GALNT13: variants seen among roughly 807,000 people sequenced by gnomAD.
GALNT13 encodes the protein UDP-GalNAc:polypeptide N-acetylgalactosaminyltransferase 13.
A neutral mutation model predicts 64.2 loss-of-function variants in GALNT13; 28 were observed. The ratio of observed to expected loss-of-function variants is 0.44; its 90% CI spans 0.32 to 0.60. GALNT13 has a LOEUF of 0.60. GALNT13 is among the 20% of genes least tolerant of loss of function. The pLI is 0.05. For missense variants in GALNT13, 577 were observed against 669.8 expected (o/e 0.86, Z 1.53); for synonymous variants, 214 against 224.6 (o/e 0.95, Z 0.42).
chr2:154,433,414 C>T lies in GALNT13; in HGVS notation c.1396-5178C>T, dbSNP rs1432704709. Among the ~76,000 whole-genome samples the T allele has an allele frequency of 2.0e-5, 3 of 152,086 alleles. No individual in the cohort carries two copies. The East Asian group carries it at 5.8e-4, about 29-fold the overall frequency. ...CAGGGAGCTTTAAATCTCTGGCAGGCCAGAGAACAGGAAGGAGTTATACAA... is the reference window on the plus strand; with the variant it reads ...CAGGGAGCTTTAAATCTCTGGCAGGTCAGAGAACAGGAAGGAGTTATACAA... On this transcript the variant is annotated intron_variant, in intron 11 of 12. Coordinates refer to ENST00000392825, the MANE Select transcript of GALNT13 (RefSeq NM_052917.4).
At chr2:153,941,021 C>A (rs1691302318) in intron 2 of GALNT13, among the ~76,000 whole-genome samples, 1 of 152,076 alleles carries the variant, frequency 6.6e-6, no homozygotes, top group African/African-American at 2.4e-5. Context: ...AGTTACAAAA[C>A]CCTAAACTTT....
At chr2:154,331,684 A>G (rs999523789) in intron 9 of GALNT13, among the ~76,000 whole-genome samples, 2 of 152,070 alleles carry the variant, frequency 1.3e-5, no homozygotes, top group Non-Finnish European at 2.9e-5. Context: ...ATGTTAATAT[A>G]CTATTTTATG....
At chr2:153,452,170 A>G in the GALNT13 span, among the ~76,000 whole-genome samples, 3 of 152,132 alleles carry the variant, frequency 2.0e-5, no homozygotes, top group East Asian at 1.9e-4. Context: ...CTTCCTTCCA[A>G]CTGATGCTGT....
At chr2:154,021,890 T>G (rs944565386) in intron 3 of GALNT13, among the ~76,000 whole-genome samples, 3 of 151,794 alleles carry the variant, frequency 2.0e-5, no homozygotes, top group Non-Finnish European at 2.9e-5. Context: ...ATACCTAATT[T>G]ATTGAGAGTT....
At chr2:153,158,054 C>G in the GALNT13 span, among the ~76,000 whole-genome samples, 1 of 152,106 alleles carries the variant, frequency 6.6e-6, no homozygotes, top group African/African-American at 2.4e-5. Context: ...TGATTATTTC[C>G]TGGACAGCTC....
chr2:153,627,722 T>C, the GALNT13 span, among the ~76,000 whole-genome samples: 1 of 152,250 alleles, frequency 6.6e-6, no homozygotes, highest in South Asian at 2.1e-4. Flanking sequence ...GAGACTCTTC[T>C]CAACTGTAAA....
chr2:153,703,277 A>T, the GALNT13 span, among the ~76,000 whole-genome samples: 1 of 152,054 alleles, frequency 6.6e-6, no homozygotes, highest in East Asian at 1.9e-4. Context: ...TATAATCTTA[A>T]TTTTTTAATT....
the GALNT13 span, among the ~76,000 whole-genome samples, chr2:153,378,713 T>C: frequency 3.9e-5 from 6 of 152,172 alleles, no homozygotes; most frequent in Admixed American, 3.3e-4. Context: ...AGCAACTGAT[T>C]TCCCCTTTAA....
chr2:154,357,473 G>A (rs1296290400), intron 9 of GALNT13, among the ~76,000 whole-genome samples: 2 of 151,990 alleles, frequency 1.3e-5, no homozygotes, highest in African/African-American at 2.4e-5. Flanking sequence ...GTGGGGTGCT[G>A]CTGACATTTA....
At chr2:154,293,684 C>A (rs961126969) in intron 8 of GALNT13, among the ~76,000 whole-genome samples, 1 of 152,036 alleles carries the variant, frequency 6.6e-6, no homozygotes, top group East Asian at 1.9e-4. Context: ...TAGAAAAATT[C>A]TGTTTGCTTA....
At chr2:153,687,426 G>A in the GALNT13 span, among the ~76,000 whole-genome samples, 26 of 151,984 alleles carry the variant, frequency 1.7e-4, no homozygotes, top group East Asian at 4.8e-3. Context: ...TAGTTTATAT[G>A]CATAAACTAG....
At chr2:153,357,761 A>T in the GALNT13 span, among the ~76,000 whole-genome samples, 1 of 152,228 alleles carries the variant, frequency 6.6e-6, no homozygotes, top group Non-Finnish European at 1.5e-5. Context: ...CAAAAAAGAC[A>T]TTGTATATTT....
At chr2:153,244,727 T>C in the GALNT13 span, among the ~76,000 whole-genome samples, 1 of 152,146 alleles carries the variant, frequency 6.6e-6, no homozygotes, top group Admixed American at 6.5e-5. Context: ...GTTTTGTGCT[T>C]GAAACCCAGG....
At chr2:154,184,495 T>A (rs980366298) in intron 4 of GALNT13, among the ~76,000 whole-genome samples, 3 of 152,190 alleles carry the variant, frequency 2.0e-5, no homozygotes, top group Admixed American at 6.6e-5. Context: ...CCTTTGTGAT[T>A]TTTTTCTTTT....
the GALNT13 span, among the ~76,000 whole-genome samples, chr2:153,081,127 CAT>C: frequency 2.0e-5 from 3 of 151,936 alleles, no homozygotes; most frequent in Non-Finnish European, 4.4e-5. Flanking sequence ...TTTTTGCACA[CAT>C]ATGTGTATAT....
chr2:153,364,208 T>A, the GALNT13 span, among the ~76,000 whole-genome samples: 1 of 152,104 alleles, frequency 6.6e-6, no homozygotes, highest in Non-Finnish European at 1.5e-5. Flanking sequence ...TTAAAAACTC[T>A]CAATAAACTA....
At chr2:153,122,679 G>A in the GALNT13 span, among the ~76,000 whole-genome samples, 17 of 152,100 alleles carry the variant, frequency 1.1e-4, no homozygotes, top group African/African-American at 3.1e-4. Flanking sequence ...CATAGAGCAC[G>A]CCTGCAGAGC....
At chr2:153,498,871 C>A in the GALNT13 span, among the ~76,000 whole-genome samples, 5 of 151,070 alleles carry the variant, frequency 3.3e-5, no homozygotes, top group Admixed American at 6.6e-5. Context: ...TTTTTTGAGA[C>A]GGAGTCTCGC....
chr2:153,843,407 A>G, the GALNT13 span, among the ~76,000 whole-genome samples: 1 of 152,320 alleles, frequency 6.6e-6, no homozygotes, highest in East Asian at 1.9e-4. Flanking sequence ...GGATGGCCCA[A>G]GCCATTCATG....
Sources: gnomAD v4.1 joint callset for allele counts (sites outside exome capture counted in the v4.1 genomes callset) on GRCh38, gnomAD v4.1.1 for gene constraint, MANE v1.5 for transcripts, NCBI Gene and HGNC (gene_info 2026-07-23, HGNC 2026-07-21) for gene names.